Variants in LARP1B observed in about 807,000 individuals in gnomAD.
LARP1B encodes the protein La ribonucleoprotein 1B.
A neutral mutation model predicts 114.2 loss-of-function variants in LARP1B; 76 were observed. The ratio of observed to expected loss-of-function variants is 0.67; its 90% CI spans 0.55 to 0.81. LARP1B has a LOEUF of 0.81. Among genes scored for constraint, LARP1B ranks in the 30% least tolerant of loss-of-function variants. The pLI, the probability that LARP1B is intolerant of heterozygous loss-of-function variation, is 0.00. For missense variants in LARP1B, 1,014 were observed against 1,075.8 expected (o/e 0.94, Z 0.80); for synonymous variants, 345 against 348.0 (o/e 0.99, Z 0.10).
At chr4:128,201,073 C>T (rs371941238) in intron 17 of LARP1B, among the ~76,000 whole-genome samples, 4 of 152,178 alleles carry the variant, frequency 2.6e-5, no homozygotes, top group East Asian at 3.8e-4. Context: ...TGGCTCTTGG[C>T]AGGAGGCTTC....
chr4:128,176,207 A>G (rs963767735), intron 12 of LARP1B, among the ~76,000 whole-genome samples: 9 of 143,842 alleles, frequency 6.3e-5, no homozygotes, highest in Non-Finnish European at 1.1e-4. Flanking sequence ...TATATATTAT[A>G]TATTTATATA....
At chr4:128,065,336 CTTTCTTTTCTTTTCTTTTCT>C (rs70966072) in intron 1 of LARP1B, among the ~76,000 whole-genome samples, 29 of 108,114 alleles carry the variant, frequency 2.7e-4, no homozygotes, top group African/African-American at 5.5e-4. Context: ...TCTCTCTTTC[CTTTCTTTTCTTTTCTTTTCT>C]TTTCTTTTCT....
intron 9 of LARP1B, 154 bp downstream of exon 9, chr4:128,107,467 C>T (rs1158998905): frequency 6.8e-7 from 1 of 1,463,236 alleles, no homozygotes; most frequent in Non-Finnish European, 9.0e-7. Context: ...CATATTGCCT[C>T]ACTCACAGAG....
At chr4:128,195,133 A>G (rs967092647) in intron 15 of LARP1B, among the ~76,000 whole-genome samples, 1 of 152,138 alleles carries the variant, frequency 6.6e-6, no homozygotes, top group Non-Finnish European at 1.5e-5. Context: ...GCCAAATCCC[A>G]GTCTGAATAA....
chr4:128,175,193 C>A (rs1047746123), intron 12 of LARP1B, among the ~76,000 whole-genome samples: 10 of 152,044 alleles, frequency 6.6e-5, no homozygotes, highest in Non-Finnish European at 1.5e-4. Context: ...AGTATAAGTA[C>A]AAAGGATTTA....
chr4:128,097,480 T>A (rs1464599900), intron 7 of LARP1B, among the ~76,000 whole-genome samples: 1 of 151,978 alleles, frequency 6.6e-6, no homozygotes, highest in Non-Finnish European at 1.5e-5. Flanking sequence ...GATAATTTTG[T>A]GTTTTTAGTA....
At chr4:128,080,065 A>G (rs925925394) in intron 4 of LARP1B, among the ~76,000 whole-genome samples, 2 of 147,518 alleles carry the variant, frequency 1.4e-5, no homozygotes, top group African/African-American at 5.0e-5. Context: ...GCTCACTGCA[A>G]CCTCTGCCTC....
At chr4:128,091,600 T>C in intron 7 of LARP1B, 88 bp downstream of exon 7, 1 of 335,144 alleles carries the variant, frequency 3.0e-6, no homozygotes, top group Non-Finnish European at 4.6e-6. Context: ...TATGCTATAA[T>C]TTTTTTTTTT....
At chr4:128,104,391 T>G (rs1455664970) in intron 8 of LARP1B, among the ~76,000 whole-genome samples, 1 of 152,184 alleles carries the variant, frequency 6.6e-6, no homozygotes, top group African/African-American at 2.4e-5. Flanking sequence ...CTTTCTGTTT[T>G]TTGGTAGTTT....
intron 7 of LARP1B, among the ~76,000 whole-genome samples, chr4:128,221,339 A>G (rs1011478114): frequency 5.3e-5 from 8 of 152,208 alleles, no homozygotes; most frequent in African/African-American, 1.9e-4. Flanking sequence ...ACAACTGAAG[A>G]TTCTGAACTG....
chr4:128,099,594 C>G (rs139263746), intron 8 of LARP1B, among the ~76,000 whole-genome samples: 105 of 152,166 alleles, frequency 6.9e-4, no homozygotes, highest in Non-Finnish European at 1.2e-3. Flanking sequence ...ATATTGCTGA[C>G]TAGTATTCCA....
chr4:128,213,607 T>G (rs1009939888), downstream of LARP1B, among the ~76,000 whole-genome samples: 1 of 152,206 alleles, frequency 6.6e-6, no homozygotes. Flanking sequence ...ACTATAAATC[T>G]AAATGGCCCT....
rs200932545 is a variant in LARP1B at position 128,122,455 on chromosome 4, T to G, written c.1524+267T>G. 2.7e-6 allele frequency: 4 copies of G among 1,501,530 alleles called. No homozygotes were observed. The African/African-American group carries it at 4.4e-5, about 16-fold the overall frequency. The allele number at this position is 1,501,530 out of a possible 1,614,324, so 93.0% of individuals were successfully genotyped here. On this transcript the variant is annotated intron_variant, in intron 11 of 19. Transcript: ENST00000326639. ...ATACCCTTGTTTTTTTTTTTTTTTG[T>G]TTTGTTTTTTTTTGTTTTTGTTTTA...
At chr4:128,138,290 AT>A (rs1726349540) in intron 11 of LARP1B, among the ~76,000 whole-genome samples, 1 of 152,180 alleles carries the variant, frequency 6.6e-6, no homozygotes, top group Admixed American at 6.5e-5. Flanking sequence ...CCATACAGAA[AT>A]TTTAAAATGT....
At chr4:128,087,152 C>T (rs537023935) in intron 5 of LARP1B, among the ~76,000 whole-genome samples, 3 of 152,116 alleles carry the variant, frequency 2.0e-5, no homozygotes, top group East Asian at 3.9e-4. Context: ...AACTCCTGAC[C>T]TCAAGTGATC....
chr4:128,209,946 A>G lies in LARP1B; in HGVS notation c.2638A>G (p.Thr880Ala), dbSNP rs776135903. Residue 880 changes from threonine to alanine, a missense_variant, in exon 20 of 20, where the codon ACA becomes GCA. Transcript: ENST00000326639. Reference sequence around the variant, plus strand: ...TCATAGACTTCCACCTAATTCCTCTACAAAGCCACCAAATGCTGCTAAACC... The same window carrying G: ...TCATAGACTTCCACCTAATTCCTCTGCAAAGCCACCAAATGCTGCTAAACC... ...NRHRLPPNSSTKPPNAAKPTS... is the reference protein window; with the variant it reads ...NRHRLPPNSSAKPPNAAKPTS... 1 of 1,613,990 alleles carries G rather than the reference A, an allele frequency of 6.2e-7. No homozygotes were observed. The highest frequency in any genetic ancestry group is 2.2e-5 in the East Asian group (1 of 44,872).
At chr4:128,113,215 T>G (rs1464919691) in intron 9 of LARP1B, among the ~76,000 whole-genome samples, 1 of 152,216 alleles carries the variant, frequency 6.6e-6, no homozygotes, top group Non-Finnish European at 1.5e-5. Flanking sequence ...AGACACCTTG[T>G]GTTCAAAGCA....
chr4:128,082,110 C>T (rs1770735373), intron 4 of LARP1B, 55 bp from the exon 5 acceptor site: 2 of 1,529,416 alleles, frequency 1.3e-6, no homozygotes, highest in South Asian at 2.3e-5. Context: ...TTTCAAATTG[C>T]AAGGGTTTAG....
At chr4:128,062,615 A>T (rs1401713309) in intron 1 of LARP1B, among the ~76,000 whole-genome samples, 1 of 129,716 alleles carries the variant, frequency 7.7e-6, no homozygotes, top group Non-Finnish European at 1.6e-5. Context: ...TTTTTTACAT[A>T]AAAGGATTGA....
Sources: allele counts gnomAD v4.1 joint callset (sites outside exome capture counted in the v4.1 genomes callset), GRCh38; gene constraint gnomAD v4.1.1; transcripts MANE v1.5; gene names NCBI Gene and HGNC (gene_info 2026-07-23, HGNC 2026-07-21).